The following PCDHA7 variants were observed in gnomAD, a reference collection of about 807,000 sequenced individuals.
PCDHA7 encodes protocadherin alpha-7.
A neutral mutation model predicts 57.2 loss-of-function variants in PCDHA7; 37 were observed. The observed-to-expected ratio is 0.65, with a 90% CI of 0.50 to 0.85. PCDHA7 has a LOEUF of 0.85. Among genes scored for constraint, PCDHA7 ranks in the 40% least tolerant of loss-of-function variants. The pLI, the probability that PCDHA7 is intolerant of heterozygous loss-of-function variation, is 0.00. For missense variants in PCDHA7, 1,188 were observed against 1,241.8 expected (o/e 0.96, Z 0.65); for synonymous variants, 553 against 558.8 (o/e 0.99, Z 0.15).
In PCDHA7 at chr5:140,870,432, G is replaced by A. The variant is rs368823990; in HGVS notation, c.2355+33694G>A. On this transcript the variant is annotated intron_variant, in intron 1 of 3. Transcript: ENST00000525929. ...GGGCCACGGCCAGGGTATCCGTGGAGGTGGCCGACGTGAACGACAATGCGC... is the reference window on the plus strand; with the variant it reads ...GGGCCACGGCCAGGGTATCCGTGGAAGTGGCCGACGTGAACGACAATGCGC... 721 of 1,614,252 alleles carry A rather than the reference G, an allele frequency of 4.5e-4. 4 individuals carry two copies. In the African/African-American group the frequency reaches 8.4e-3, roughly 19 times the overall value.
At position 140,845,294 on chromosome 5, in the gene PCDHA7, A is replaced by G. The variant is rs2150378014; in HGVS notation, c.2355+8556A>G. Among the ~76,000 whole-genome samples, 474 of 149,590 alleles carry G rather than the reference A, an allele frequency of 3.2e-3. 41 individuals are homozygous for G. The highest frequency in any genetic ancestry group is 5.1e-3 in the Non-Finnish European group (342 of 66,782). On this transcript the variant is annotated intron_variant, in intron 1 of 3. Transcript: ENST00000525929. Reference sequence around the variant, plus strand: ...GAAAGTAATATTTCCTATCCTGTCTATGTCTACCTGGTTCTCAGGTATTAC... The same window carrying G: ...GAAAGTAATATTTCCTATCCTGTCTGTGTCTACCTGGTTCTCAGGTATTAC...
intron 3 of PCDHA7, among the ~76,000 whole-genome samples, chr5:140,997,668 T>TTGTGTGTGTGTGTGTGTGTG (rs35184029): frequency 6.7e-6 from 1 of 148,244 alleles, no homozygotes; most frequent in African/African-American, 2.5e-5. Context: ...ATTATACAGC[T>TTGTGTGTGTGTGTGTGTGTG]TGTGTGTGTG....
At chr5:140,928,252 G>T in intron 1 of PCDHA7, 1 of 1,614,208 alleles carries the variant, frequency 6.2e-7, no homozygotes, top group Non-Finnish European at 8.5e-7. Flanking sequence ...GGAACTTTTC[G>T]TTGCTGAAAA....
chr5:140,928,155 C>T, intron 1 of PCDHA7: 2 of 1,614,178 alleles, frequency 1.2e-6, no homozygotes, highest in Non-Finnish European at 1.7e-6. Flanking sequence ...CAGATAGTGG[C>T]TCACCCCCAC....
chr5:140,870,642 C>A (rs373909591), intron 1 of PCDHA7: 2 of 1,612,746 alleles, frequency 1.2e-6, no homozygotes, highest in African/African-American at 1.3e-5. Context: ...ACGCGGAGAG[C>A]GGCAAGGTGT....
chr5:140,882,153 A>G (rs1197738298), intron 1 of PCDHA7: 9 of 1,505,320 alleles, frequency 6.0e-6, no homozygotes, highest in Admixed American at 2.3e-5. Flanking sequence ...CAGAAAGCGG[A>G]ATACCTCTTG....
intron 1 of PCDHA7, among the ~76,000 whole-genome samples, chr5:140,919,978 A>C (rs993704497): frequency 7.5e-6 from 1 of 134,032 alleles, no homozygotes; most frequent in Non-Finnish European, 1.7e-5. Flanking sequence ...AAGAGATAGA[A>C]GATGGAAAAC....
At chr5:140,952,088 A>G (rs2094684736) in intron 1 of PCDHA7, among the ~76,000 whole-genome samples, 1 of 152,154 alleles carries the variant, frequency 6.6e-6, no homozygotes, top group South Asian at 2.1e-4. Flanking sequence ...TCCATGTCTC[A>G]CATCCAGGGC....
chr5:140,849,773 C>A (rs1554143291), intron 1 of PCDHA7: 12 of 1,598,418 alleles, frequency 7.5e-6, no homozygotes, highest in Non-Finnish European at 1.0e-5. Flanking sequence ...TGGTGGTTAC[C>A]GCGCGGGACG....
At chr5:140,865,051 T>A (rs1228832316) in intron 1 of PCDHA7, 1 of 151,882 alleles carries the variant, frequency 6.6e-6, no homozygotes, top group Admixed American at 6.6e-5. Flanking sequence ...AATGTCATTG[T>A]TTTTAATAAC....
At chr5:140,958,746 G>C (rs946339571) in intron 1 of PCDHA7, among the ~76,000 whole-genome samples, 1 of 152,066 alleles carries the variant, frequency 6.6e-6, no homozygotes, top group African/African-American at 2.4e-5. Flanking sequence ...AGAGAGAAAG[G>C]AGATTTTTAC....
chr5:140,834,315 G>A lies in PCDHA7; in HGVS notation c.-69G>A. ...GGCCACACATCGAGATTGAAATGAA[G>A]GGATAAAAACATTCCTATAAATTCG... On this transcript the variant is annotated 5_prime_UTR_variant, in exon 1 of 4. Coordinates refer to ENST00000525929, the MANE Select transcript of PCDHA7 (RefSeq NM_018910.3). 1 of 1,374,090 alleles carries A rather than the reference G, an allele frequency of 7.3e-7. No homozygotes were observed. The allele number at this position is 1,374,090 out of a possible 1,614,324, so 85.1% of individuals were successfully genotyped here.
chr5:140,965,708 A>T (rs2095927788), intron 1 of PCDHA7, among the ~76,000 whole-genome samples: 1 of 152,244 alleles, frequency 6.6e-6, no homozygotes, highest in African/African-American at 2.4e-5. Context: ...AGCTTGAGAG[A>T]AGAATCTCTT....
chr5:140,835,627 G>A lies in PCDHA7; in HGVS notation c.1244G>A (p.Arg415His). The A allele has an allele frequency of 6.2e-7, 1 of 1,613,916 alleles. No homozygotes were observed. Among genetic ancestry groups the A allele is most frequent in the Non-Finnish European group, 8.5e-7 (1 of 1,179,880 alleles). ...TTGGTGCTGGACAGCGCTCTGGACC[G>A]CGAGAGTGTGTCCGCCTATGAGCTG... is the stretch of plus-strand genomic sequence containing the variant. ...YSLVLDSALD[R>H]ESVSAYELVV... is the part of the protein sequence containing the mutation. Residue 415 changes from arginine (R) to histidine (H), a missense_variant, in exon 1 of 4, where the codon CGC (arginine) becomes CAC (histidine). Around this residue, in one of 3 missense-constraint regions of PCDHA7, gnomAD observed 892 missense variants for 788.5 expected, o/e 1.13. Coordinates refer to ENST00000525929, the MANE Select transcript of PCDHA7 (RefSeq NM_018910.3).
At chr5:140,890,066 C>G (rs1217511895) in intron 1 of PCDHA7, among the ~76,000 whole-genome samples, 1 of 152,148 alleles carries the variant, frequency 6.6e-6, no homozygotes, top group Non-Finnish European at 1.5e-5. Context: ...CTTTTACTGG[C>G]TTATGAGAAC....
At chr5:140,883,217 G>A (rs868963567) in intron 1 of PCDHA7, 1 of 1,613,990 alleles carries the variant, frequency 6.2e-7, no homozygotes, top group Non-Finnish European at 8.5e-7. Context: ...GAAATTATAT[G>A]AAATATCCGT....
intron 1 of PCDHA7, chr5:140,966,824 A>T: frequency 1.3e-6 from 2 of 1,559,992 alleles, no homozygotes; most frequent in Non-Finnish European, 1.7e-6. Flanking sequence ...CCGGCGGCCC[A>T]TGCCCTGGCT....
chr5:140,967,670 G>A (rs1554229754), intron 1 of PCDHA7: 1 of 1,614,092 alleles, frequency 6.2e-7, no homozygotes, highest in Non-Finnish European at 8.5e-7. Flanking sequence ...CTACACGTCG[G>A]ACCGGGAGAG....
At chr5:140,956,665 G>A (rs1336658976) in intron 1 of PCDHA7, among the ~76,000 whole-genome samples, 3 of 152,004 alleles carry the variant, frequency 2.0e-5, no homozygotes, top group African/African-American at 7.2e-5. Context: ...TGGCCTTAAA[G>A]GAGTTAGGGA....
Sources: gnomAD v4.1 joint callset for allele counts (sites outside exome capture counted in the v4.1 genomes callset) on GRCh38, gnomAD v4.1.1 for gene constraint, gnomAD v4.1.1 regional missense constraint, MANE v1.5 for transcripts, NCBI Gene and HGNC (gene_info 2026-07-23, HGNC 2026-07-21) for gene names.